The following RNF217 variants were observed in gnomAD, a reference collection of about 807,000 sequenced individuals.
RNF217 encodes E3 ubiquitin-protein ligase RNF217.
RNF217 carries 31 observed loss-of-function variants against 57.8 expected under a neutral mutation model. The ratio of observed to expected loss-of-function variants is 0.54; its 90% CI spans 0.40 to 0.72. The LOEUF (loss-of-function observed/expected upper bound fraction) is 0.72, where lower values mean the gene tolerates loss of function less well. Ranked by LOEUF, RNF217 falls within the 30% of genes least tolerant of loss-of-function variation. The pLI is 0.00. For missense variants in RNF217, 696 were observed against 708.3 expected (o/e 0.98, Z 0.20); for synonymous variants, 313 against 294.0 (o/e 1.06, Z -0.66).
At chr6:125,064,746 A>AGTACGTG (rs966856448) in intron 3 of RNF217, among the ~76,000 whole-genome samples, 7 of 152,090 alleles carry the variant, frequency 4.6e-5, no homozygotes, top group Non-Finnish European at 1.0e-4. Flanking sequence ...GGACAAAATA[A>AGTACGTG]GTACGTGTGT....
chr6:125,056,913 G>A (rs1270157075), intron 2 of RNF217, among the ~76,000 whole-genome samples: 1 of 152,126 alleles, frequency 6.6e-6, no homozygotes, highest in Non-Finnish European at 1.5e-5. Flanking sequence ...TCCATGTCAA[G>A]TGGAAGACAG....
intron 1 of RNF217, among the ~76,000 whole-genome samples, chr6:125,021,355 C>G (rs1352738519): frequency 1.3e-5 from 2 of 151,160 alleles, no homozygotes; most frequent in African/African-American, 2.4e-5. Flanking sequence ...CAACCTGTAC[C>G]TCCCGGATTC....
At chr6:125,003,111 AAC>A (rs145903989) in intron 1 of RNF217, among the ~76,000 whole-genome samples, 8 of 150,816 alleles carry the variant, frequency 5.3e-5, no homozygotes, top group South Asian at 2.1e-4. Context: ...CACGCACACA[AAC>A]ACACACACAC....
At position 125,090,677 on chromosome 6, in the gene RNF217, C is replaced by T. The variant is rs1004787250; in HGVS notation, c.*7740C>T. 6.6e-6 allele frequency: 1 copy of T among 151,772 alleles called. No homozygotes were observed. Among genetic ancestry groups the T allele is most frequent in the Non-Finnish European group, 1.5e-5 (1 of 67,824 alleles). The allele number at this position is 151,772 out of a possible 1,614,324, so 9.4% of individuals were successfully genotyped here. A position where few individuals can be genotyped will look rare whatever the true frequency, so the allele number is the denominator to read the frequency against. On this transcript the variant is annotated 3_prime_UTR_variant, in exon 6 of 6. Coordinates refer to ENST00000521654, the MANE Select transcript of RNF217 (RefSeq NM_001286398.3). Reference sequence around the variant, plus strand: ...GTAATTTGTACCAGATCTTGTCCATCATTTCATTAGATTGCATATTTTTAG... The same window carrying T: ...GTAATTTGTACCAGATCTTGTCCATTATTTCATTAGATTGCATATTTTTAG...
intron 1 of RNF217, 41 bp from the exon 2 acceptor site, chr6:125,045,170 A>G: frequency 1.6e-6 from 2 of 1,272,916 alleles, no homozygotes; most frequent in Non-Finnish European, 2.2e-6. Context: ...GAAAATAACC[A>G]GTGACGTTTT....
intron 3 of RNF217, among the ~76,000 whole-genome samples, chr6:125,070,004 A>C (rs1788078325): frequency 6.6e-6 from 1 of 151,366 alleles, no homozygotes; most frequent in African/African-American, 2.4e-5. Context: ...TCCCTTTCCC[A>C]CTCTTACCTC....
chr6:125,007,406 C>T (rs756704293), intron 1 of RNF217, among the ~76,000 whole-genome samples: 20 of 151,708 alleles, frequency 1.3e-4, no homozygotes, highest in African/African-American at 2.4e-4. Flanking sequence ...CCACCAAGCC[C>T]GGCTAATTTT....
intron 3 of RNF217, among the ~76,000 whole-genome samples, chr6:125,062,360 T>C (rs9321017): frequency 0.061 from 9,266 of 152,140 alleles, 895 homozygotes; most frequent in African/African-American, 0.21. Flanking sequence ...TTATTTATAA[T>C]TGTATTTTGG....
intron 1 of RNF217, among the ~76,000 whole-genome samples, chr6:125,003,959 G>C (rs1785077799): frequency 6.6e-6 from 1 of 152,148 alleles, no homozygotes; most frequent in Admixed American, 6.5e-5. Flanking sequence ...GTTTAAGCTT[G>C]TTGTCCAGTA....
chr6:125,066,749 A>G (rs371004017), intron 3 of RNF217, among the ~76,000 whole-genome samples: 2 of 152,172 alleles, frequency 1.3e-5, no homozygotes, highest in Non-Finnish European at 2.9e-5. Flanking sequence ...GATTTGATCT[A>G]TTTTATTGTC....
At chr6:124,981,390 G>A (rs1784153994) in intron 1 of RNF217, among the ~76,000 whole-genome samples, 1 of 152,108 alleles carries the variant, frequency 6.6e-6, no homozygotes, top group African/African-American at 2.4e-5. Flanking sequence ...AAGGTGGTCG[G>A]GGTACAGCTT....
At chr6:125,012,622 A>G (rs181702064) in intron 1 of RNF217, among the ~76,000 whole-genome samples, 3 of 152,308 alleles carry the variant, frequency 2.0e-5, no homozygotes, top group Admixed American at 2.0e-4. Flanking sequence ...TATTCTATGC[A>G]GAATTTTCAT....
chr6:125,048,606 C>A (rs1787186479), intron 2 of RNF217, among the ~76,000 whole-genome samples: 1 of 152,002 alleles, frequency 6.6e-6, no homozygotes, highest in African/African-American at 2.4e-5. Context: ...ATGGCTTTTG[C>A]TGTCAATTCA....
At position 125,089,546 on chromosome 6, in the gene RNF217, T is replaced by C. The variant is rs1272022513; in HGVS notation, c.*6609T>C. On this transcript the variant is annotated 3_prime_UTR_variant, in exon 6 of 6. Coordinates refer to ENST00000521654, the MANE Select transcript of RNF217 (RefSeq NM_001286398.3). Reference sequence around the variant, plus strand: ...AATGTAACTGATATTAACCCTATTCTAGAGAAAACATTTGTCATTTGCAAG... The same window carrying C: ...AATGTAACTGATATTAACCCTATTCCAGAGAAAACATTTGTCATTTGCAAG... 6.6e-6 allele frequency: 1 copy of C among 152,182 alleles called. No individual in the cohort carries two copies. The highest frequency in any genetic ancestry group is 2.4e-5 in the African/African-American group (1 of 41,446). The allele number at this position is 152,182 out of a possible 1,614,324, so 9.4% of individuals were successfully genotyped here.
At chr6:125,061,451 C>T (rs1367667580) in intron 3 of RNF217, among the ~76,000 whole-genome samples, 1 of 151,550 alleles carries the variant, frequency 6.6e-6, no homozygotes, top group Admixed American at 6.6e-5. Flanking sequence ...GTAATGCCCC[C>T]TTTTAAAATT....
At chr6:125,013,231 A>G (rs1005934856) in intron 1 of RNF217, among the ~76,000 whole-genome samples, 5 of 152,138 alleles carry the variant, frequency 3.3e-5, no homozygotes, top group Non-Finnish European at 7.4e-5. Flanking sequence ...CAGGTAATAA[A>G]CAAATATACA....
At chr6:124,988,793 C>G (rs1054707074) in intron 1 of RNF217, among the ~76,000 whole-genome samples, 2 of 152,126 alleles carry the variant, frequency 1.3e-5, no homozygotes, top group South Asian at 4.1e-4. Flanking sequence ...AGAGAATGTT[C>G]ATTCATAGAG....
chr6:125,049,338 C>T (rs1787220105), intron 2 of RNF217, among the ~76,000 whole-genome samples: 1 of 152,022 alleles, frequency 6.6e-6, no homozygotes, highest in Non-Finnish European at 1.5e-5. Flanking sequence ...TCTAACTGGT[C>T]TCTGGGAGTC....
intron 1 of RNF217, among the ~76,000 whole-genome samples, chr6:125,020,852 G>A (rs1208333500): frequency 6.6e-6 from 1 of 152,200 alleles, no homozygotes; most frequent in Middle Eastern, 3.4e-3. Context: ...ATACACACAA[G>A]CATTAAAATA....
Sources: gnomAD v4.1 joint callset for allele counts (sites outside exome capture counted in the v4.1 genomes callset) on GRCh38, gnomAD v4.1.1 for gene constraint, MANE v1.5 for transcripts, NCBI Gene and HGNC (gene_info 2026-07-23, HGNC 2026-07-21) for gene names.